Variants in SIPA1L3 observed in about 807,000 individuals in gnomAD.
The protein encoded by SIPA1L3 is signal-induced proliferation-associated 1-like protein 3.
In SIPA1L3, 59 loss-of-function variants were observed where a neutral mutation model predicts 150.1. The ratio of observed to expected loss-of-function variants is 0.39; its 90% CI spans 0.32 to 0.49. The LOEUF (loss-of-function observed/expected upper bound fraction) is 0.49, where lower values mean the gene tolerates loss of function less well. Among genes scored for constraint, SIPA1L3 ranks in the 20% least tolerant of loss-of-function variants. The probability of loss-of-function intolerance (pLI) is 0.86; values close to 1 mark genes in which losing one functional copy is unlikely to be tolerated. For missense variants in SIPA1L3, 2,211 were observed against 2,489.5 expected (o/e 0.89, Z 2.38); for synonymous variants, 1,070 against 1,077.6 (o/e 0.99, Z 0.14).
At chr19:37,938,050 A>T (rs2046617569) in intron 1 of SIPA1L3, among the ~76,000 whole-genome samples, 1 of 152,128 alleles carries the variant, frequency 6.6e-6, no homozygotes, top group Non-Finnish European at 1.5e-5. Flanking sequence ...CCACCTCAAA[A>T]AAAGAAAAAG....
intron 19 of SIPA1L3, among the ~76,000 whole-genome samples, chr19:38,201,323 T>A (rs1973082518): frequency 6.6e-6 from 1 of 152,244 alleles, no homozygotes; most frequent in African/African-American, 2.4e-5. Context: ...GACCCAGGAA[T>A]CTTCACTTTC....
intron 1 of SIPA1L3, among the ~76,000 whole-genome samples, chr19:37,960,028 T>TA (rs2145571152): frequency 6.6e-6 from 1 of 152,318 alleles, no homozygotes; most frequent in South Asian, 2.1e-4. Context: ...TATGAAATCT[T>TA]ACATCTTTTA....
intron 1 of SIPA1L3, among the ~76,000 whole-genome samples, chr19:37,928,300 G>A (rs1398131329): frequency 1.3e-5 from 2 of 152,136 alleles, no homozygotes; most frequent in Non-Finnish European, 2.9e-5. Context: ...ACCAGGTGTG[G>A]TGGCTCACAT....
intron 8 of SIPA1L3, among the ~76,000 whole-genome samples, chr19:38,114,718 A>G (rs1338637991): frequency 2.6e-5 from 4 of 152,248 alleles, no homozygotes; most frequent in Non-Finnish European, 5.9e-5. Context: ...TACTTTAGTC[A>G]GCATTGAGCA....
intron 1 of SIPA1L3, among the ~76,000 whole-genome samples, chr19:38,011,773 G>A (rs1968104338): frequency 6.6e-6 from 1 of 152,210 alleles, no homozygotes; most frequent in East Asian, 1.9e-4. Flanking sequence ...CCTTCTGGCT[G>A]TGGGTGGAGA....
intron 15 of SIPA1L3, among the ~76,000 whole-genome samples, chr19:38,179,247 G>A (rs1408505899): frequency 1.3e-5 from 2 of 152,206 alleles, no homozygotes; most frequent in African/African-American, 4.8e-5. Flanking sequence ...TTCGAGACCA[G>A]CCTGGCCAGC....
In SIPA1L3 at chr19:38,046,521, C is replaced by T. The variant is rs1303646305; in HGVS notation, c.-311+17365C>T. Reference sequence around the variant, plus strand: ...CTGCCCTGGAAAGAGGCAGGGTGGCCGGGGAGGGGAGTTTCCAGATTACCT... The same window carrying T: ...CTGCCCTGGAAAGAGGCAGGGTGGCTGGGGAGGGGAGTTTCCAGATTACCT... On this transcript the variant is annotated intron_variant, in intron 2 of 21. Coordinates refer to ENST00000222345, the MANE Select transcript of SIPA1L3 (RefSeq NM_015073.3). The surrounding 1 kb of genome is among the most constrained non-coding windows in gnomAD (Gnocchi z 5.6). 1.3e-5 allele frequency among the ~76,000 whole-genome samples: 2 copies of T among 152,090 alleles called. No homozygotes were observed. Among genetic ancestry groups the T allele is most frequent in the South Asian group, 4.1e-4 (2 of 4,824 alleles).
chr19:38,071,583 C>T (rs536782824), intron 2 of SIPA1L3, among the ~76,000 whole-genome samples: 4 of 152,164 alleles, frequency 2.6e-5, no homozygotes, highest in Non-Finnish European at 1.5e-5. Flanking sequence ...GCCACTGTGC[C>T]CAATCAGATA....
intron 2 of SIPA1L3, among the ~76,000 whole-genome samples, chr19:38,071,201 TTATCTATCTATCTATCTATCTATC>T (rs60942211): frequency 7.7e-4 from 109 of 142,266 alleles, no homozygotes; most frequent in African/African-American, 2.0e-3. Context: ...TTATGTTGTT[TTATCTATCTATCTATCTATCTATC>T]TATCTATCTA....
chr19:37,953,543 TG>T (rs2046783213), intron 1 of SIPA1L3, among the ~76,000 whole-genome samples: 1 of 152,164 alleles, frequency 6.6e-6, no homozygotes, highest in African/African-American at 2.4e-5. Flanking sequence ...TGTGTGTGTG[TG>T]TGTATGTGTG....
intron 12 of SIPA1L3, among the ~76,000 whole-genome samples, chr19:38,143,616 G>T (rs1426080531): frequency 7.5e-6 from 1 of 133,370 alleles, no homozygotes; most frequent in Non-Finnish European, 1.5e-5. Flanking sequence ...TCAGCTCACT[G>T]CAACCTCCAC....
At chr19:38,099,620 C>G (rs1426800146) in intron 4 of SIPA1L3, among the ~76,000 whole-genome samples, 1 of 152,116 alleles carries the variant, frequency 6.6e-6, no homozygotes, top group Non-Finnish European at 1.5e-5. Context: ...GACTCAGTGC[C>G]TCACAGGAGG....
rs553730875 is a variant in SIPA1L3, at chr19:38,152,369, A to G, written c.3534-471A>G. On this transcript the variant is annotated intron_variant, in intron 12 of 21. Transcript: ENST00000222345. ...GCTGCATCTGTCTAGGCAAGAGGCC[A>G]TGGTGAGCTTTGAAGCCCCAGTTGC... 1.8e-3 allele frequency among the ~76,000 whole-genome samples: 269 copies of G among 152,322 alleles called. 3 individuals carry two copies. The highest frequency in any genetic ancestry group is 1.8e-3 in the Non-Finnish European group (122 of 68,002).
In SIPA1L3 at chr19:38,114,098, C is replaced by T. The variant is rs149815148; in HGVS notation, c.2291+3714C>T. ...ATATAGGAAAAGCCTAAATCTGTCA[C>T]TATAAGCAGCTAAGTGCTGAATAAA... On this transcript the variant is annotated intron_variant, in intron 8 of 21. Transcript: ENST00000222345. Among the ~76,000 whole-genome samples the T allele has an allele frequency of 8.2e-4, 125 of 152,244 alleles. 3 individuals carry two copies. The East Asian group carries it at 0.018, about 22-fold the overall frequency.
intron 1 of SIPA1L3, among the ~76,000 whole-genome samples, chr19:37,931,156 A>AT (rs2046550329): frequency 6.6e-6 from 1 of 152,192 alleles, no homozygotes; most frequent in South Asian, 2.1e-4. Context: ...TGAGGGCAGC[A>AT]TGTGATAAGT....
In SIPA1L3 at chr19:37,910,902, T is replaced by C. The variant is rs372405579; in HGVS notation, c.-379+3544T>C. Among the ~76,000 whole-genome samples the C allele has an allele frequency of 9.2e-5, 14 of 152,358 alleles. No individual in the cohort carries two copies. In the East Asian group the frequency reaches 1.9e-3, roughly 21 times the overall value. ...TGAGCCACCGTGCCTGGCCTATTGCTTCCTTTTTTTAAGGACTATTTTGGT... is the reference window on the plus strand; with the variant it reads ...TGAGCCACCGTGCCTGGCCTATTGCCTCCTTTTTTTAAGGACTATTTTGGT... On this transcript the variant is annotated intron_variant, in intron 1 of 21. Coordinates refer to ENST00000222345, the MANE Select transcript of SIPA1L3 (RefSeq NM_015073.3).
At chr19:38,201,559 G>A (rs190813725) in intron 19 of SIPA1L3, among the ~76,000 whole-genome samples, 15 of 152,312 alleles carry the variant, frequency 9.8e-5, no homozygotes, top group Admixed American at 6.5e-4. Context: ...CGCCAGGTTC[G>A]GAATCCGGTC....
At chr19:37,955,155 G>T (rs562188062) in intron 1 of SIPA1L3, among the ~76,000 whole-genome samples, 30 of 151,248 alleles carry the variant, frequency 2.0e-4, no homozygotes, top group Non-Finnish European at 3.5e-4. Context: ...ACTTTGGCAG[G>T]CCGAGGTGGG....
At chr19:38,087,165 T>C (rs1970152134) in intron 3 of SIPA1L3, among the ~76,000 whole-genome samples, 1 of 152,196 alleles carries the variant, frequency 6.6e-6, no homozygotes, top group Non-Finnish European at 1.5e-5. Flanking sequence ...CAAAGAATCT[T>C]TGTCAAAGCT....
Sources: allele counts gnomAD v4.1 joint callset (sites outside exome capture counted in the v4.1 genomes callset), GRCh38; gene constraint gnomAD v4.1.1; non-coding constraint Gnocchi (gnomAD v3.1); transcripts MANE v1.5; gene names NCBI Gene and HGNC (gene_info 2026-07-23, HGNC 2026-07-21).